Variants in DOCK2 observed in about 807,000 individuals in gnomAD.
The protein encoded by DOCK2 is dedicator of cytokinesis 2.
Under a neutral mutation model 248.9 loss-of-function variants are expected in DOCK2, and 87 were observed. The ratio of observed to expected loss-of-function variants is 0.35; its 90% CI spans 0.29 to 0.42. The LOEUF is 0.42. DOCK2 is among the 10% of genes least tolerant of loss of function. DOCK2 has a pLI of 1.00. For missense variants in DOCK2, 1,747 were observed against 2,300.2 expected (o/e 0.76, Z 4.92); for synonymous variants, 805 against 821.6 (o/e 0.98, Z 0.35).
chr5:170,011,229 G>T (rs1335485988), intron 32 of DOCK2, among the ~76,000 whole-genome samples: 12 of 152,140 alleles, frequency 7.9e-5, no homozygotes, highest in Admixed American at 7.9e-4. Context: ...GGTTTTCTAG[G>T]GGGAAGCCCT....
At chr5:169,789,046 T>A (rs574616748) in intron 25 of DOCK2, among the ~76,000 whole-genome samples, 2 of 152,188 alleles carry the variant, frequency 1.3e-5, no homozygotes, top group Non-Finnish European at 2.9e-5. Context: ...TGAGTGTCCA[T>A]GTGTTCTCAT....
chr5:169,831,249 C>G (rs1206465074), intron 26 of DOCK2, among the ~76,000 whole-genome samples: 2 of 151,936 alleles, frequency 1.3e-5, no homozygotes, highest in Non-Finnish European at 2.9e-5. Flanking sequence ...ATATGGTACT[C>G]TGTAGTCTCT....
chr5:170,008,878 C>A, intron 32 of DOCK2, 132 bp downstream of exon 32: 2 of 1,096,658 alleles, frequency 1.8e-6, no homozygotes, highest in Non-Finnish European at 2.7e-6. Context: ...GTGTGTACCC[C>A]AGTTCCTAAT....
chr5:170,013,294 C>T (rs923323940), intron 32 of DOCK2, among the ~76,000 whole-genome samples: 4 of 152,048 alleles, frequency 2.6e-5, no homozygotes, highest in South Asian at 2.1e-4. Flanking sequence ...TAACCAACAT[C>T]GAGCACTGTG....
At chr5:169,928,613 T>G (rs988144076) in intron 27 of DOCK2, among the ~76,000 whole-genome samples, 3 of 152,314 alleles carry the variant, frequency 2.0e-5, no homozygotes, top group Admixed American at 2.0e-4. Context: ...GACAGTGTCA[T>G]GGAGGCCTAG....
intron 29 of DOCK2, among the ~76,000 whole-genome samples, chr5:169,992,811 T>A (rs1410704055): frequency 2.0e-5 from 3 of 152,110 alleles, no homozygotes; most frequent in African/African-American, 7.2e-5. Context: ...GAAAAATGCC[T>A]TACTTTTCCA....
chr5:169,669,054 T>G (rs1490348437), intron 2 of DOCK2, among the ~76,000 whole-genome samples: 1 of 152,136 alleles, frequency 6.6e-6, no homozygotes, highest in African/African-American at 2.4e-5. Context: ...TCCTGATTTT[T>G]CAAAATCAGG....
chr5:169,663,143 C>A (rs1364805945), intron 2 of DOCK2, among the ~76,000 whole-genome samples: 1 of 152,202 alleles, frequency 6.6e-6, no homozygotes, highest in Non-Finnish European at 1.5e-5. Flanking sequence ...AGTCCAAAAC[C>A]CAGCTGGGCA....
chr5:169,826,600 G>A (rs541315899), intron 26 of DOCK2, among the ~76,000 whole-genome samples: 1 of 152,226 alleles, frequency 6.6e-6, no homozygotes, highest in South Asian at 2.1e-4. Context: ...GAGAAGGTAG[G>A]AATCCAAGAG....
chr5:169,695,787 GTTTC>G lies in DOCK2; in HGVS notation c.844-11_844-8del. ...TTCAGCACATGATGGTCAATTTTTT[GTTTC>G]TTTCCCCCCAGGATCTTGGAAACAA... On this transcript the variant is annotated splice_polypyrimidine_tract_variant and intron_variant, in intron 9 of 51. Transcript: ENST00000520908. The G allele has an allele frequency of 6.2e-7, 1 of 1,609,240 alleles. No individual in the cohort carries two copies. The highest frequency in any genetic ancestry group is 8.5e-7 in the Non-Finnish European group (1 of 1,178,604).
At chr5:169,657,871 A>G (rs1236880141) in intron 2 of DOCK2, among the ~76,000 whole-genome samples, 2 of 152,220 alleles carry the variant, frequency 1.3e-5, no homozygotes, top group East Asian at 3.8e-4. Context: ...TGCCCCTGAC[A>G]TCATGATTTT....
intron 38 of DOCK2, among the ~76,000 whole-genome samples, chr5:170,043,831 C>T (rs1166696452): frequency 6.6e-6 from 1 of 152,242 alleles, no homozygotes; most frequent in African/African-American, 2.4e-5. Context: ...ATATTCAATT[C>T]AGCCCACTCT....
intron 2 of DOCK2, among the ~76,000 whole-genome samples, chr5:169,663,228 G>A (rs73316234): frequency 0.02 from 3,039 of 152,326 alleles, 111 homozygotes; most frequent in African/African-American, 0.067. Flanking sequence ...ATTGATGCAA[G>A]GGATGGGTCC....
intron 8 of DOCK2, among the ~76,000 whole-genome samples, chr5:169,689,019 G>A (rs189750201): frequency 1.3e-5 from 2 of 152,232 alleles, no homozygotes; most frequent in Admixed American, 6.5e-5. Flanking sequence ...ATGGGAGAGG[G>A]ATAGTAGTGG....
At chr5:169,818,430 T>A (rs1195447881) in intron 26 of DOCK2, among the ~76,000 whole-genome samples, 2 of 152,204 alleles carry the variant, frequency 1.3e-5, no homozygotes, top group African/African-American at 4.8e-5. Flanking sequence ...TGGAGACACA[T>A]AGGCATGGAT....
chr5:169,655,819 A>G (rs1428013248), intron 2 of DOCK2, among the ~76,000 whole-genome samples: 1 of 152,232 alleles, frequency 6.6e-6, no homozygotes, highest in African/African-American at 2.4e-5. Flanking sequence ...TTGAAATTTG[A>G]TATGTCAAGA....
Position 169,881,911 on chromosome 5 carries a change from G to A in DOCK2, c.2799+41059G>A, listed in dbSNP as rs144954941. Among the ~76,000 whole-genome samples, 42 of 152,266 alleles carry A rather than the reference G, an allele frequency of 2.8e-4. No individual in the cohort carries two copies. The East Asian group carries it at 7.9e-3, about 29-fold the overall frequency. On this transcript the variant is annotated intron_variant, in intron 27 of 51. Transcript: ENST00000520908. ...TTTAGAGAGCACTTTCTGCAGGGAC[G>A]AGCATTTCGCATCTAAACAAATAAC...
chr5:170,050,182 G>A, intron 40 of DOCK2, 74 bp from the exon 41 acceptor site: 1 of 1,564,304 alleles, frequency 6.4e-7, no homozygotes, highest in Admixed American at 1.8e-5. Flanking sequence ...CATTTTACAA[G>A]CTCCCCAGCT....
chr5:170,008,243 A>C (rs1755143156), intron 30 of DOCK2, among the ~76,000 whole-genome samples: 1 of 151,388 alleles, frequency 6.6e-6, no homozygotes. Flanking sequence ...AAAAAACCTA[A>C]AATTCTCCTC....
Sources: gnomAD v4.1 joint callset for allele counts (sites outside exome capture counted in the v4.1 genomes callset) on GRCh38, gnomAD v4.1.1 for gene constraint, MANE v1.5 for transcripts, NCBI Gene and HGNC (gene_info 2026-07-23, HGNC 2026-07-21) for gene names.